CDH13: variants seen among roughly 807,000 people sequenced by gnomAD.
CDH13 encodes the protein cadherin-13.
CDH13 carries 24 observed loss-of-function variants against 63.8 expected under a neutral mutation model. The observed-to-expected ratio is 0.38, with a 90% CI of 0.27 to 0.53. The LOEUF (loss-of-function observed/expected upper bound fraction) is 0.53, where lower values mean the gene tolerates loss of function less well. Ranked by LOEUF, CDH13 falls within the 20% of genes least tolerant of loss-of-function variation. The pLI, the probability that CDH13 is intolerant of heterozygous loss-of-function variation, is 0.85. For missense variants in CDH13, 1,049 were observed against 903.1 expected (o/e 1.16, Z -2.07); for synonymous variants, 503 against 355.3 (o/e 1.42, Z -4.67).
At chr16:82,922,134 G>C (rs970189278) in intron 2 of CDH13, among the ~76,000 whole-genome samples, 2 of 151,912 alleles carry the variant, frequency 1.3e-5, no homozygotes, top group African/African-American at 4.8e-5. Flanking sequence ...TATTAATTTG[G>C]TGATCTGTGT....
intron 1 of CDH13, among the ~76,000 whole-genome samples, chr16:82,857,725 A>G (rs1309455955): frequency 2.0e-5 from 3 of 152,234 alleles, no homozygotes; most frequent in African/African-American, 7.2e-5. Flanking sequence ...TTTCATATGT[A>G]AAATATTGTC....
chr16:83,433,966 T>G (rs1382184666), intron 6 of CDH13, among the ~76,000 whole-genome samples: 1 of 152,206 alleles, frequency 6.6e-6, no homozygotes, highest in Non-Finnish European at 1.5e-5. Flanking sequence ...TCTTTTCTAT[T>G]ACTTATTTTT....
At chr16:83,257,108 G>T (rs536409547) in intron 5 of CDH13, among the ~76,000 whole-genome samples, 3 of 152,004 alleles carry the variant, frequency 2.0e-5, no homozygotes, top group African/African-American at 7.2e-5. Context: ...ATACAGAAAG[G>T]GATTTCCTTC....
At chr16:83,204,906 T>C (rs2039138376) in intron 4 of CDH13, among the ~76,000 whole-genome samples, 1 of 152,234 alleles carries the variant, frequency 6.6e-6, no homozygotes, top group African/African-American at 2.4e-5. Context: ...GAGTTCCTAA[T>C]GCTTTCGCCC....
At chr16:83,229,071 C>T (rs988202380) in intron 5 of CDH13, among the ~76,000 whole-genome samples, 3 of 152,152 alleles carry the variant, frequency 2.0e-5, no homozygotes, top group Admixed American at 6.5e-5. Context: ...GGAGGGCAGG[C>T]CATACCGGGC....
intron 10 of CDH13, among the ~76,000 whole-genome samples, chr16:83,686,190 T>C (rs1328743670): frequency 6.6e-6 from 1 of 152,254 alleles, no homozygotes; most frequent in Non-Finnish European, 1.5e-5. Flanking sequence ...ACTGCTGATG[T>C]TGGCTTAAGG....
intron 1 of CDH13, among the ~76,000 whole-genome samples, chr16:82,685,067 CAG>C (rs751867317): frequency 6.6e-6 from 1 of 151,944 alleles, no homozygotes; most frequent in Non-Finnish European, 1.5e-5. Flanking sequence ...TGCAATAACT[CAG>C]TGCGCAGACA....
At chr16:82,926,527 C>A (rs2042308661) in intron 2 of CDH13, among the ~76,000 whole-genome samples, 1 of 152,192 alleles carries the variant, frequency 6.6e-6, no homozygotes. Context: ...TCCCTCTGCT[C>A]TGAAGCTCAT....
chr16:83,255,974 AG>A (rs565773148), intron 5 of CDH13, among the ~76,000 whole-genome samples: 51 of 152,340 alleles, frequency 3.3e-4, no homozygotes, highest in Admixed American at 1.1e-3. Context: ...GATTTGATGC[AG>A]ACCCAACTTC....
chr16:82,687,290 G>T (rs1915175325), intron 1 of CDH13, among the ~76,000 whole-genome samples: 2 of 152,040 alleles, frequency 1.3e-5, no homozygotes, highest in South Asian at 4.2e-4. Context: ...GATACTGGGT[G>T]GTGGTGGGGT....
intron 6 of CDH13, among the ~76,000 whole-genome samples, chr16:83,455,582 G>A (rs1450338646): frequency 6.6e-6 from 1 of 152,130 alleles, no homozygotes; most frequent in Non-Finnish European, 1.5e-5. Context: ...TCCTTCTTGT[G>A]CTCTTCTCTG....
intron 1 of CDH13, among the ~76,000 whole-genome samples, chr16:82,838,772 C>T (rs2615129): frequency 6.6e-6 from 1 of 152,122 alleles, no homozygotes; most frequent in African/African-American, 2.4e-5. Context: ...TGATGTCATA[C>T]GTGACAAGTG....
intron 6 of CDH13, among the ~76,000 whole-genome samples, chr16:83,435,908 C>T (rs927013333): frequency 7.2e-5 from 11 of 152,116 alleles, no homozygotes; most frequent in African/African-American, 2.7e-4. Context: ...ACATAGTAGC[C>T]ACTCAGTATG....
chr16:82,938,561 C>G (rs1358793662), intron 2 of CDH13, among the ~76,000 whole-genome samples: 2 of 152,146 alleles, frequency 1.3e-5, no homozygotes, highest in East Asian at 3.9e-4. Flanking sequence ...GAGAGGCCAC[C>G]GTTGTCCAGA....
chr16:83,647,138 G>A (rs1911901650), intron 8 of CDH13, among the ~76,000 whole-genome samples: 1 of 151,606 alleles, frequency 6.6e-6, no homozygotes, highest in African/African-American at 2.4e-5. Flanking sequence ...GTGAAATCCC[G>A]TCTCTACTAA....
At chr16:83,095,200 A>G (rs1450791552) in intron 3 of CDH13, among the ~76,000 whole-genome samples, 2 of 152,256 alleles carry the variant, frequency 1.3e-5, no homozygotes, top group Admixed American at 1.3e-4. Context: ...ACATGACATC[A>G]TGGAATTGGA....
intron 6 of CDH13, among the ~76,000 whole-genome samples, chr16:83,389,493 A>T (rs528917141): frequency 6.6e-6 from 1 of 152,314 alleles, no homozygotes; most frequent in African/African-American, 2.4e-5. Flanking sequence ...GGATCTGGTT[A>T]TTCCATCCTT....
chr16:83,274,011 C>T (rs552033519), intron 5 of CDH13, among the ~76,000 whole-genome samples: 79 of 152,288 alleles, frequency 5.2e-4, no homozygotes, highest in Admixed American at 9.2e-4. Context: ...TTCCATCTTC[C>T]TCTCCACCAC....
rs140415478 is a variant in CDH13 at position 82,933,807 on chromosome 16, A to T, written c.157+75334A>T. Reference sequence around the variant, plus strand: ...AAGTCTGAAATCCAACAAGGCAGTAATTAACTCTTAAAGCTCCAAAATAAT... The same window carrying T: ...AAGTCTGAAATCCAACAAGGCAGTATTTAACTCTTAAAGCTCCAAAATAAT... On this transcript the variant is annotated intron_variant, in intron 2 of 13. Coordinates refer to ENST00000567109, the MANE Select transcript of CDH13 (RefSeq NM_001257.5). Among the ~76,000 whole-genome samples, 395 of 152,344 alleles carry T rather than the reference A, an allele frequency of 2.6e-3. 2 individuals carry two copies. Among genetic ancestry groups the T allele is most frequent in the African/African-American group, 9.0e-3 (375 of 41,582 alleles).
Sources: allele counts gnomAD v4.1 joint callset (sites outside exome capture counted in the v4.1 genomes callset), GRCh38; gene constraint gnomAD v4.1.1; transcripts MANE v1.5; gene names NCBI Gene and HGNC (gene_info 2026-07-23, HGNC 2026-07-21).